The following PLXDC2 variants were observed in gnomAD, a reference collection of about 807,000 sequenced individuals.
PLXDC2 encodes the protein plexin domain-containing protein 2.
PLXDC2 carries 40 observed loss-of-function variants against 68.9 expected under a neutral mutation model. That is an observed-to-expected ratio of 0.58 (90% confidence interval 0.45 to 0.76). The LOEUF (loss-of-function observed/expected upper bound fraction) is 0.76. PLXDC2 is among the 30% of genes least tolerant of loss of function. PLXDC2 has a pLI of 0.00. For missense variants in PLXDC2, 644 were observed against 661.9 expected, an observed-to-expected ratio of 0.97 and a Z score of 0.30; for synonymous variants, 243 against 234.2, an observed-to-expected ratio of 1.04 and a Z score of -0.34.
chr10:20,157,804 T>C (rs1211645577), intron 6 of PLXDC2, among the ~76,000 whole-genome samples: 1 of 152,198 alleles, frequency 6.6e-6, no homozygotes, highest in Non-Finnish European at 1.5e-5. Context: ...CCTATCTCTA[T>C]CTTGTTATAT....
rs559739115 is a variant in PLXDC2 at position 20,211,987 on chromosome 10, T to C, written c.1122+258T>C. On this transcript the variant is annotated intron_variant, in intron 10 of 13. Coordinates refer to ENST00000377252, the MANE Select transcript of PLXDC2 (RefSeq NM_032812.9). ...TGCAGACATGGGGCTTAACTATTTA[T>C]ATGTATTATCTCATTTCATTGTCAT... Among the ~76,000 whole-genome samples, 3 of 152,132 alleles carry C rather than the reference T, an allele frequency of 2.0e-5. No individual in the cohort carries two copies. The South Asian group carries it at 6.2e-4, about 32-fold the overall frequency.
At chr10:20,033,193 TA>T (rs1367107273) in intron 2 of PLXDC2, among the ~76,000 whole-genome samples, 4 of 144,186 alleles carry the variant, frequency 2.8e-5, no homozygotes, top group Non-Finnish European at 4.5e-5. Context: ...AAAAAATATA[TA>T]AAAAAATAAA....
chr10:19,898,815 A>G lies in PLXDC2; in HGVS notation c.112+81624A>G, dbSNP rs147220929. 1.2e-3 allele frequency among the ~76,000 whole-genome samples: 183 copies of G among 152,296 alleles called. 1 individual carries two copies. The highest frequency in any genetic ancestry group is 2.1e-3 in the Non-Finnish European group (146 of 68,022). On this transcript the variant is annotated intron_variant, in intron 1 of 13. Coordinates refer to ENST00000377252, the MANE Select transcript of PLXDC2 (RefSeq NM_032812.9). ...CAGATATTCATGAAATATATATTAA[A>G]ATAAAGCTTGAAGGGTGAATTAAAT...
chr10:20,178,301 A>G (rs11011842), intron 9 of PLXDC2, among the ~76,000 whole-genome samples: 44,996 of 152,056 alleles, frequency 0.3, 8,781 homozygotes, highest in Non-Finnish European at 0.45. Context: ...TTCAGTTGCT[A>G]GAGCTTTTCA....
intron 12 of PLXDC2, among the ~76,000 whole-genome samples, chr10:20,238,015 A>G (rs1037463769): frequency 2.0e-5 from 3 of 152,104 alleles, no homozygotes; most frequent in Non-Finnish European, 4.4e-5. Flanking sequence ...ATATTTTACC[A>G]TATTGGAGAA....
chr10:19,973,681 T>G lies in PLXDC2; in HGVS notation c.113-28094T>G, dbSNP rs577909007. Among the ~76,000 whole-genome samples, 12 of 152,280 alleles carry G rather than the reference T, an allele frequency of 7.9e-5. No homozygotes were observed. In the South Asian group the frequency reaches 2.5e-3, roughly 32 times the overall value. Reference sequence around the variant, plus strand: ...AGTTATAATACTGGAATTTTCCCTGTGATGATGAATTGCCAGTCTGAGAGG... The same window carrying G: ...AGTTATAATACTGGAATTTTCCCTGGGATGATGAATTGCCAGTCTGAGAGG... On this transcript the variant is annotated intron_variant, in intron 1 of 13. Coordinates refer to ENST00000377252, the MANE Select transcript of PLXDC2 (RefSeq NM_032812.9).
chr10:20,044,166 TTTCTTTCTTTCC>T (rs1397182784), intron 2 of PLXDC2, among the ~76,000 whole-genome samples: 9 of 90,806 alleles, frequency 9.9e-5, no homozygotes, highest in Non-Finnish European at 2.0e-4. Context: ...TTCCTTCCTC[TTTCTTTCTTTCC>T]TTCTTTCTTT....
intron 4 of PLXDC2, among the ~76,000 whole-genome samples, chr10:20,110,249 G>A (rs1833541327): frequency 6.6e-6 from 1 of 152,026 alleles, no homozygotes; most frequent in African/African-American, 2.4e-5. Context: ...AGGAATTGGA[G>A]AAAAAGAATG....
At chr10:20,054,966 T>C (rs1214722323) in intron 3 of PLXDC2, among the ~76,000 whole-genome samples, 1 of 152,168 alleles carries the variant, frequency 6.6e-6, no homozygotes, top group African/African-American at 2.4e-5. Context: ...ATTGCCAATA[T>C]ACTGTTTGCC....
In PLXDC2 at chr10:20,001,914, A is replaced by G. The variant is rs1367536020; in HGVS notation, c.252A>G (p.Gln84=). 3.1e-6 allele frequency: 5 copies of G among 1,613,562 alleles called. No homozygotes were observed. The East Asian group carries it at 1.1e-4, about 36-fold the overall frequency. The change falls in exon 2 of 14, where the codon CAA becomes CAG. Residue 84 remains glutamine (Q), a synonymous_variant. Coordinates refer to ENST00000377252, the MANE Select transcript of PLXDC2 (RefSeq NM_032812.9). The part of the protein sequence containing the change: ...AVDTNRASVG[Q]DSPEPRSFTD... ...ACACGAACCGAGCAAGCGTCGGCCA[A>G]GACTCTCCTGAGCCCAGAAGCTTCA...
chr10:20,220,919 T>G (rs1273841209), intron 12 of PLXDC2, among the ~76,000 whole-genome samples: 6 of 147,066 alleles, frequency 4.1e-5, no homozygotes, highest in Non-Finnish European at 1.5e-5. Context: ...CTCAGCTCAC[T>G]GCAACCTCCG....
intron 2 of PLXDC2, among the ~76,000 whole-genome samples, chr10:20,038,031 T>G (rs1010719142): frequency 6.6e-6 from 1 of 151,820 alleles, no homozygotes; most frequent in Non-Finnish European, 1.5e-5. Flanking sequence ...GATGACGAGG[T>G]CAGGAGATTG....
At chr10:20,020,660 G>A (rs1835292639) in intron 2 of PLXDC2, among the ~76,000 whole-genome samples, 1 of 151,834 alleles carries the variant, frequency 6.6e-6, no homozygotes, top group South Asian at 2.1e-4. Context: ...AAAGCTTTAG[G>A]CTATTTTTGA....
chr10:20,140,114 C>T (rs1331747825), intron 4 of PLXDC2, among the ~76,000 whole-genome samples: 1 of 151,892 alleles, frequency 6.6e-6, no homozygotes, highest in Admixed American at 6.6e-5. Context: ...TCCTGGCTAA[C>T]ACAGTAAAAC....
chr10:20,221,925 C>T (rs967528481), intron 12 of PLXDC2, among the ~76,000 whole-genome samples: 3 of 152,006 alleles, frequency 2.0e-5, no homozygotes, highest in African/African-American at 7.3e-5. Flanking sequence ...TTTAATTGGA[C>T]CGCTGTTTTT....
intron 4 of PLXDC2, among the ~76,000 whole-genome samples, chr10:20,110,762 A>C (rs113732498): frequency 3.3e-5 from 5 of 152,192 alleles, no homozygotes; most frequent in African/African-American, 1.2e-4. Context: ...TAGTTCATCA[A>C]TCTTTCTATT....
intron 1 of PLXDC2, among the ~76,000 whole-genome samples, chr10:19,958,127 G>C: frequency 6.6e-6 from 1 of 151,940 alleles, no homozygotes; most frequent in Non-Finnish European, 1.5e-5. Context: ...AATGAAAATT[G>C]TTGTTTCTAT....
intron 12 of PLXDC2, among the ~76,000 whole-genome samples, chr10:20,240,721 A>AG (rs1835503300): frequency 6.6e-6 from 1 of 151,846 alleles, no homozygotes; most frequent in South Asian, 2.1e-4. Flanking sequence ...CAAAAAAAAA[A>AG]AAAAAAAAAA....
chr10:20,161,631 C>A (rs2884566), intron 6 of PLXDC2, among the ~76,000 whole-genome samples: 140,138 of 151,714 alleles, frequency 0.92, 64,817 homozygotes, highest in Non-Finnish European at 0.95. Flanking sequence ...TGACATAGAC[C>A]CAAAACATAA....
Sources: allele counts gnomAD v4.1 joint callset (sites outside exome capture counted in the v4.1 genomes callset), GRCh38; gene constraint gnomAD v4.1.1; transcripts MANE v1.5; gene names NCBI Gene and HGNC (gene_info 2026-07-23, HGNC 2026-07-21).